SDK1: variants seen among roughly 807,000 people sequenced by gnomAD.
SDK1 encodes protein sidekick-1.
SDK1 carries 157 observed loss-of-function variants against 245.5 expected under a neutral mutation model. The ratio of observed to expected loss-of-function variants is 0.64; its 90% CI spans 0.56 to 0.73. The LOEUF (loss-of-function observed/expected upper bound fraction) is 0.73. SDK1 is among the 30% of genes least tolerant of loss of function. SDK1 has a pLI of 0.00. For synonymous variants in SDK1, 1,647 were observed against 1,278.5 expected (o/e 1.29, Z -6.15); for missense variants, 3,583 against 3,002.3 (o/e 1.19, Z -4.52).
intron 28 of SDK1, among the ~76,000 whole-genome samples, chr7:4,134,388 G>A (rs1778908098): frequency 6.6e-6 from 1 of 152,182 alleles, no homozygotes; most frequent in South Asian, 2.1e-4. Context: ...TCTGGTGCCT[G>A]CGCAGTGAGC....
At chr7:4,048,288 T>C (rs1356511657) in intron 17 of SDK1, among the ~76,000 whole-genome samples, 4 of 152,110 alleles carry the variant, frequency 2.6e-5, no homozygotes, top group Admixed American at 2.6e-4. Flanking sequence ...GTGGAAGCCT[T>C]GATGGTGCAG....
intron 16 of SDK1, among the ~76,000 whole-genome samples, chr7:4,015,584 G>T (rs978629832): frequency 6.6e-6 from 1 of 152,160 alleles, no homozygotes; most frequent in Non-Finnish European, 1.5e-5. Context: ...ATGCTACGTC[G>T]GTGATCTGAA....
chr7:4,246,819 C>T (rs970142013), intron 44 of SDK1, among the ~76,000 whole-genome samples: 2 of 152,160 alleles, frequency 1.3e-5, no homozygotes, highest in Admixed American at 6.5e-5. Flanking sequence ...CTCAGGCCTC[C>T]CCTGCGCCTG....
At chr7:3,847,979 G>A (rs767526464) in intron 5 of SDK1, among the ~76,000 whole-genome samples, 13 of 149,820 alleles carry the variant, frequency 8.7e-5, no homozygotes, top group Middle Eastern at 3.4e-3. Flanking sequence ...TCATACTATC[G>A]TACTTTCCTG....
intron 4 of SDK1, among the ~76,000 whole-genome samples, chr7:3,697,801 A>G (rs1784618287): frequency 6.6e-6 from 1 of 152,178 alleles, no homozygotes; most frequent in African/African-American, 2.4e-5. Context: ...GCTGATCATC[A>G]ATCTGTGGAA....
At chr7:3,547,223 T>C (rs1447603560) in intron 1 of SDK1, among the ~76,000 whole-genome samples, 1 of 152,222 alleles carries the variant, frequency 6.6e-6, no homozygotes, top group Non-Finnish European at 1.5e-5. Context: ...TTTAAGTGCT[T>C]TGATAGCCAC....
At chr7:3,584,693 G>A (rs1780623158) in intron 1 of SDK1, among the ~76,000 whole-genome samples, 1 of 151,750 alleles carries the variant, frequency 6.6e-6, no homozygotes, top group Admixed American at 6.6e-5. Flanking sequence ...TTGGGTCTGT[G>A]CCCTTGCTGA....
At chr7:3,889,235 T>C (rs1053874124) in intron 5 of SDK1, among the ~76,000 whole-genome samples, 21 of 152,344 alleles carry the variant, frequency 1.4e-4, no homozygotes, top group African/African-American at 4.1e-4. Flanking sequence ...AATACTTCTT[T>C]ATACTCAGAT....
chr7:3,447,080 T>TA (rs1780363146), intron 1 of SDK1, among the ~76,000 whole-genome samples: 2 of 152,184 alleles, frequency 1.3e-5, no homozygotes. Context: ...GAAATCTTAT[T>TA]AAAATCTCTG....
chr7:4,205,296 A>G (rs1322186113), intron 35 of SDK1, among the ~76,000 whole-genome samples: 3 of 152,190 alleles, frequency 2.0e-5, no homozygotes, highest in Non-Finnish European at 4.4e-5. Context: ...TGAACCTGTC[A>G]TGGGAACACA....
intron 17 of SDK1, among the ~76,000 whole-genome samples, chr7:4,043,832 C>G (rs1024211753): frequency 2.0e-5 from 3 of 152,068 alleles, no homozygotes; most frequent in African/African-American, 7.2e-5. Flanking sequence ...TCGTGAAACC[C>G]CAGAGCTAAA....
intron 1 of SDK1, among the ~76,000 whole-genome samples, chr7:3,307,944 G>A (rs1020852796): frequency 1.3e-5 from 2 of 152,102 alleles, no homozygotes; most frequent in Admixed American, 1.3e-4. Flanking sequence ...TGGGGATTCT[G>A]TAACTCCATA....
chr7:3,585,686 G>A (rs945014895), intron 1 of SDK1, among the ~76,000 whole-genome samples: 2 of 152,200 alleles, frequency 1.3e-5, no homozygotes, highest in Admixed American at 6.5e-5. Flanking sequence ...GGCTCTGAGA[G>A]ACGGGAGTTT....
intron 1 of SDK1, among the ~76,000 whole-genome samples, chr7:3,319,959 T>G (rs933759259): frequency 1.3e-5 from 2 of 148,882 alleles, no homozygotes; most frequent in South Asian, 2.2e-4. Context: ...GACCAGGGCT[T>G]TCTGAGAATG....
chr7:4,259,042 T>C (rs1378066390), intron 44 of SDK1, among the ~76,000 whole-genome samples: 1 of 152,242 alleles, frequency 6.6e-6, no homozygotes, highest in African/African-American at 2.4e-5. Context: ...GAGATTCCTT[T>C]GGCTTCCTTC....
intron 22 of SDK1, among the ~76,000 whole-genome samples, chr7:4,088,023 C>G (rs1003509985): frequency 7.2e-5 from 11 of 152,292 alleles, no homozygotes; most frequent in Admixed American, 5.9e-4. Context: ...ACGTTTAATT[C>G]TCATAATGGC....
At chr7:3,490,310 A>C (rs1781829618) in intron 1 of SDK1, among the ~76,000 whole-genome samples, 1 of 152,220 alleles carries the variant, frequency 6.6e-6, no homozygotes, top group African/African-American at 2.4e-5. Flanking sequence ...GCCGAAGAGA[A>C]ATGAATTCCC....
chr7:3,346,634 T>G (rs1387451392), intron 1 of SDK1, among the ~76,000 whole-genome samples: 1 of 147,910 alleles, frequency 6.8e-6, no homozygotes, highest in Non-Finnish European at 1.5e-5. Context: ...TACCTTAGCC[T>G]TCTGCACCCC....
intron 19 of SDK1, among the ~76,000 whole-genome samples, chr7:4,061,746 T>C (rs1779554227): frequency 1.3e-5 from 2 of 151,956 alleles, no homozygotes; most frequent in Admixed American, 6.6e-5. Context: ...TGTCCAACAA[T>C]GATAGACTGG....
Sources: gnomAD v4.1 joint callset for allele counts (sites outside exome capture counted in the v4.1 genomes callset) on GRCh38, gnomAD v4.1.1 for gene constraint, MANE v1.5 for transcripts, NCBI Gene and HGNC (gene_info 2026-07-23, HGNC 2026-07-21) for gene names.